The following CIDEC variants were observed in gnomAD, a reference collection of about 807,000 sequenced individuals.
CIDEC encodes cell death inducing DFFA like effector c, also known as lipid transferase CIDEC.
CIDEC carries 11 observed loss-of-function variants against 21.9 expected under a neutral mutation model. The ratio of observed to expected loss-of-function variants is 0.50; its 90% CI spans 0.32 to 0.83. The LOEUF (loss-of-function observed/expected upper bound fraction) is 0.83. Ranked by LOEUF, CIDEC falls within the 40% of genes least tolerant of loss-of-function variation. The pLI is 0.04. For synonymous variants in CIDEC, 127 were observed against 124.9 expected (o/e 1.02, Z -0.11); for missense variants, 302 against 302.3 (o/e 1.00, Z 0.01).
rs1206468406 is a variant in CIDEC, at chr3:9,869,992, G to A, written c.444C>T (p.Tyr148=). ...IDVARVTFDL[Y]KLNPQDFIGC... The stretch of plus-strand genomic sequence containing the variant: ...CAATGAAGTCCTGTGGGTTCAGCTT[G>A]TACAGATCAAACGTTACACGGGCCA... Residue 148 remains tyrosine, a synonymous_variant, in exon 6 of 7, where the codon TAC becomes TAT. Transcript: ENST00000336832. The A allele has an allele frequency of 6.2e-7, 1 of 1,614,212 alleles. No individual in the cohort carries two copies. The highest frequency in any genetic ancestry group is 2.2e-5 in the East Asian group (1 of 44,888).
At chr3:9,874,115 A>G (rs1306317577) in intron 4 of CIDEC, among the ~76,000 whole-genome samples, 1 of 152,202 alleles carries the variant, frequency 6.6e-6, no homozygotes, top group African/African-American at 2.4e-5. Context: ...GACATGATAA[A>G]AAGATGTTGA....
chr3:9,869,786 G>C, intron 6 of CIDEC, 96 bp downstream of exon 6: 1 of 1,175,860 alleles, frequency 8.5e-7, no homozygotes, highest in Admixed American at 1.9e-5. Flanking sequence ...ACCAAAGCCA[G>C]ACCCAGGCGC....
At chr3:9,873,643 A>T (rs550589756) in intron 4 of CIDEC, among the ~76,000 whole-genome samples, 1 of 152,170 alleles carries the variant, frequency 6.6e-6, no homozygotes, top group African/African-American at 2.4e-5. Context: ...AAGTGTCATG[A>T]CACTTAGGTT....
Position 9,866,775 on chromosome 3 carries a change from C to G in CIDEC, c.*359G>C. The G allele has an allele frequency of 1.8e-6, 1 of 546,358 alleles. No homozygotes were observed. Among genetic ancestry groups the G allele is most frequent in the Non-Finnish European group, 3.3e-6 (1 of 303,794 alleles). 33.8% of individuals were successfully genotyped at this position (546,358 alleles called of 1,614,324 possible). A position where few individuals can be genotyped will look rare whatever the true frequency, so the allele number is the denominator to read the frequency against. ...ACATGCTAGTGCGCTTGCGAATTCA[C>G]TCAGGAATGTTCCGGGATGGGGGCC... On this transcript the variant is annotated 3_prime_UTR_variant, in exon 7 of 7. Coordinates refer to ENST00000336832, the MANE Select transcript of CIDEC (RefSeq NM_001321142.2).
At chr3:9,877,589 G>A (rs2082444806) in intron 3 of CIDEC, among the ~76,000 whole-genome samples, 1 of 152,124 alleles carries the variant, frequency 6.6e-6, no homozygotes, top group Non-Finnish European at 1.5e-5. Flanking sequence ...CCTGGGAGGC[G>A]GCAGAGGTTG....
chr3:9,877,523 G>C (rs773160405), intron 3 of CIDEC, among the ~76,000 whole-genome samples: 2 of 152,186 alleles, frequency 1.3e-5, no homozygotes, highest in Admixed American at 6.5e-5. Context: ...AGCCAGTGTG[G>C]TGGCACATGC....
At chr3:9,874,499 G>C (rs1010579047) in intron 4 of CIDEC, among the ~76,000 whole-genome samples, 1 of 148,328 alleles carries the variant, frequency 6.7e-6, no homozygotes, top group East Asian at 2.0e-4. Context: ...CGGGGCAATG[G>C]AGCGAGACCC....
rs186217668 is a variant in CIDEC, at chr3:9,868,230, C to A, written c.555-934G>T. Among the ~76,000 whole-genome samples, 686 of 152,282 alleles carry A rather than the reference C, an allele frequency of 4.5e-3. 15 individuals are homozygous for A. In the South Asian group the frequency reaches 0.069, roughly 15 times the overall value. On this transcript the variant is annotated intron_variant, in intron 6 of 6. Coordinates refer to ENST00000336832, the MANE Select transcript of CIDEC (RefSeq NM_001321142.2). The stretch of plus-strand genomic sequence containing the variant: ...CAAAACCCCAGCTCATTTCATAAGG[C>A]TTTTATTTTTCTACTACTACTTTGG...
chr3:9,870,437 C>T, intron 4 of CIDEC, 115 bp from the exon 5 acceptor site: 1 of 1,568,618 alleles, frequency 6.4e-7, no homozygotes, highest in Non-Finnish European at 8.6e-7. Context: ...GAGACTTTAT[C>T]ATGGTACCTC....
At chr3:9,872,562 TGTC>T (rs2082363054) in intron 4 of CIDEC, among the ~76,000 whole-genome samples, 1 of 152,238 alleles carries the variant, frequency 6.6e-6, no homozygotes, top group Admixed American at 6.5e-5. Flanking sequence ...TTAATTGGGT[TGTC>T]TTTTTCTTGC....
At chr3:9,873,544 A>G (rs527447080) in intron 4 of CIDEC, among the ~76,000 whole-genome samples, 31 of 152,230 alleles carry the variant, frequency 2.0e-4, no homozygotes, top group Non-Finnish European at 4.1e-4. Context: ...TGAACCTGGG[A>G]GGTGGAGCTT....
At chr3:9,879,794 C>T (rs550632531) in intron 1 of CIDEC, among the ~76,000 whole-genome samples, 52 of 152,294 alleles carry the variant, frequency 3.4e-4, no homozygotes, top group Admixed American at 9.8e-4. Context: ...ACACCTTCAT[C>T]CTGCTCTTCC....
At chr3:9,867,822 C>T (rs1200882854) in intron 6 of CIDEC, among the ~76,000 whole-genome samples, 4 of 151,824 alleles carry the variant, frequency 2.6e-5, no homozygotes, top group South Asian at 2.1e-4. Flanking sequence ...CTCAGCTACT[C>T]GGGAAGCTGA....
rs2125053947 is a variant in CIDEC at position 9,878,501 on chromosome 3, C to G, written c.-15G>C. 2 of 1,613,746 alleles carry G rather than the reference C, an allele frequency of 1.2e-6. No individual in the cohort carries two copies. Among genetic ancestry groups the G allele is most frequent in the East Asian group, 4.5e-5 (2 of 44,884 alleles). On this transcript the variant is annotated 5_prime_UTR_variant, in exon 3 of 7. Transcript: ENST00000336832. ...GCGTATTCCATCCTTGTCAGCTGGA[C>G]TGCGTTGGACCTGGGAAGGAGGCAG...
At chr3:9,878,544 G>A (rs775104397) in intron 2 of CIDEC, 33 bp from the exon 3 acceptor site, 1 of 1,568,926 alleles carries the variant, frequency 6.4e-7, no homozygotes, top group Non-Finnish European at 8.8e-7. Context: ...TCATCAGGGT[G>A]AGATGAGAGG....
chr3:9,877,277 C>A, intron 3 of CIDEC, 58 bp from the exon 4 acceptor site: 1 of 1,521,096 alleles, frequency 6.6e-7, no homozygotes, highest in Admixed American at 2.0e-5. Flanking sequence ...TTGCCCACCA[C>A]ACAGGGGAGC....
At chr3:9,873,092 T>C (rs2082372451) in intron 4 of CIDEC, among the ~76,000 whole-genome samples, 1 of 152,216 alleles carries the variant, frequency 6.6e-6, no homozygotes, top group African/African-American at 2.4e-5. Context: ...TTGGTTTTGT[T>C]TTTTTGTTTG....
chr3:9,867,167 G>T lies in CIDEC; in HGVS notation c.684C>A (p.Ser228=). 1 of 1,613,880 alleles carries T rather than the reference G, an allele frequency of 6.2e-7. No homozygotes were observed. The highest frequency in any genetic ancestry group is 8.5e-7 in the Non-Finnish European group (1 of 1,180,046). Residue 228 remains serine, a synonymous_variant, in exon 7 of 7, where the codon TCC becomes TCA. Coordinates refer to ENST00000336832, the MANE Select transcript of CIDEC (RefSeq NM_001321142.2). ...GTATCTTCAGACAGGTCGGGATAAGGGATGAGGCCTTGCCCTTGGGGGGCT... is the reference window on the plus strand; with the variant it reads ...GTATCTTCAGACAGGTCGGGATAAGTGATGAGGCCTTGCCCTTGGGGGGCT... ...EGQPPKGKAS[S]LIPTCLKILQ is the part of the protein sequence containing the mutation.
intron 4 of CIDEC, among the ~76,000 whole-genome samples, chr3:9,872,379 T>C (rs1201850958): frequency 6.6e-6 from 1 of 151,928 alleles, no homozygotes. Flanking sequence ...TTTGCCATGT[T>C]ACCCAGGCTG....
Sources: allele counts gnomAD v4.1 joint callset (sites outside exome capture counted in the v4.1 genomes callset), GRCh38; gene constraint gnomAD v4.1.1; transcripts MANE v1.5; gene names NCBI Gene and HGNC (gene_info 2026-07-23, HGNC 2026-07-21).